GLIS1: variants seen among roughly 807,000 people sequenced by gnomAD.
GLIS1 encodes zinc finger protein GLIS1.
Under a neutral mutation model 63.8 loss-of-function variants are expected in GLIS1, and 24 were observed. The observed-to-expected ratio is 0.38, with a 90% CI of 0.27 to 0.53. The LOEUF is 0.53. Ranked by LOEUF, GLIS1 falls within the 20% of genes least tolerant of loss-of-function variation. GLIS1 has a pLI of 0.85. For missense variants in GLIS1, 1,036 were observed against 1,074.1 expected (o/e 0.96, Z 0.50); for synonymous variants, 450 against 482.5 (o/e 0.93, Z 0.88).
chr1:53,673,723 C>T (rs756218614), intron 2 of GLIS1, among the ~76,000 whole-genome samples: 2 of 152,210 alleles, frequency 1.3e-5, no homozygotes, highest in Non-Finnish European at 2.9e-5. Context: ...ATTCTCTGGG[C>T]CTATTTTTCT....
intron 2 of GLIS1, among the ~76,000 whole-genome samples, chr1:53,716,966 C>G (rs1423900443): frequency 6.6e-6 from 1 of 152,168 alleles, no homozygotes; most frequent in Non-Finnish European, 1.5e-5. Flanking sequence ...ACAGAAAATT[C>G]ATAAACTATC....
At chr1:53,659,935 C>G (rs1341603971) in intron 2 of GLIS1, among the ~76,000 whole-genome samples, 1 of 152,174 alleles carries the variant, frequency 6.6e-6, no homozygotes, top group Non-Finnish European at 1.5e-5. Context: ...GGCACTGGAA[C>G]AAAAAGGCCC....
intron 2 of GLIS1, among the ~76,000 whole-genome samples, chr1:53,667,801 T>C (rs923920296): frequency 2.0e-5 from 3 of 152,228 alleles, no homozygotes; most frequent in African/African-American, 7.2e-5. Context: ...CTTAATCCCA[T>C]GAATGAGTGC....
At chr1:53,677,070 C>T (rs1646220824) in intron 2 of GLIS1, among the ~76,000 whole-genome samples, 1 of 152,184 alleles carries the variant, frequency 6.6e-6, no homozygotes, top group Non-Finnish European at 1.5e-5. Flanking sequence ...ACCGCACAAG[C>T]CCAAGCTCTC....
At position 53,560,013 on chromosome 1, in the gene GLIS1, T is replaced by C. The variant is rs1349223490; in HGVS notation, c.1321-30061A>G. Among the ~76,000 whole-genome samples the C allele has an allele frequency of 6.6e-6, 1 of 152,154 alleles. No homozygotes were observed. Among genetic ancestry groups the C allele is most frequent in the Non-Finnish European group, 1.5e-5 (1 of 68,022 alleles). ...ATCCTTCAAGGTCCAACTCAAGTGC[T>C]TCCTCCTCTGGGAAGTGCTCCCTGA... On this transcript the variant is annotated intron_variant, in intron 4 of 10. Coordinates refer to ENST00000628545, the MANE Select transcript of GLIS1 (RefSeq NM_001367484.1). The surrounding 1 kb of genome is among the most constrained non-coding windows in gnomAD (Gnocchi z 4.4).
intron 2 of GLIS1, among the ~76,000 whole-genome samples, chr1:53,678,025 C>G (rs1646232711): frequency 6.6e-6 from 1 of 152,114 alleles, no homozygotes. Flanking sequence ...GAAAACAGCC[C>G]CCAAACGTGG....
intron 2 of GLIS1, among the ~76,000 whole-genome samples, chr1:53,632,958 G>A (rs1239432069): frequency 6.8e-6 from 1 of 147,938 alleles, no homozygotes; most frequent in Middle Eastern, 3.8e-3. Flanking sequence ...TGACTGAGGG[G>A]CGTGTATATG....
intron 4 of GLIS1, among the ~76,000 whole-genome samples, chr1:53,592,450 T>C (rs1645201554): frequency 6.6e-6 from 1 of 151,974 alleles, no homozygotes; most frequent in Admixed American, 6.6e-5. Context: ...GACTCACCCA[T>C]AAAAGAGAAT....
At position 53,697,708 on chromosome 1, in the gene GLIS1, T is replaced by C. The variant is rs569851086; in HGVS notation, c.259+40098A>G. On this transcript the variant is annotated intron_variant, in intron 2 of 10. Coordinates refer to ENST00000628545, the MANE Select transcript of GLIS1 (RefSeq NM_001367484.1). ...TAACACTTATTTAGCATATACTCGG[T>C]GCGGACACTGTCCTAAACACTTTTG... is the stretch of plus-strand genomic sequence containing the variant. 2.0e-5 allele frequency among the ~76,000 whole-genome samples: 3 copies of C among 152,356 alleles called. No homozygotes were observed. In the East Asian group the frequency reaches 5.8e-4, roughly 29 times the overall value.
rs114244967 is a variant in GLIS1 at position 53,592,096 on chromosome 1, T to G, written c.1320+2012A>C. ...CCCCAGAACCAGGCCTCAGCCAGTGTAAGCCAGTGTCCTGTGAAGTCTGTG... is the reference window on the plus strand; with the variant it reads ...CCCCAGAACCAGGCCTCAGCCAGTGGAAGCCAGTGTCCTGTGAAGTCTGTG... On this transcript the variant is annotated intron_variant, in intron 4 of 10. Coordinates refer to ENST00000628545, the MANE Select transcript of GLIS1 (RefSeq NM_001367484.1). Among the ~76,000 whole-genome samples, 1,167 of 152,280 alleles carry G rather than the reference T, an allele frequency of 7.7e-3. 22 individuals carry two copies. Among genetic ancestry groups the G allele is most frequent in the African/African-American group, 0.027 (1,132 of 41,554 alleles).
At chr1:53,671,741 A>T (rs181297665) in intron 2 of GLIS1, among the ~76,000 whole-genome samples, 2 of 152,352 alleles carry the variant, frequency 1.3e-5, no homozygotes, top group East Asian at 3.9e-4. Flanking sequence ...TATATACATT[A>T]GAATGCACTT....
intron 2 of GLIS1, among the ~76,000 whole-genome samples, chr1:53,667,703 G>C (rs1646108584): frequency 6.6e-6 from 1 of 152,218 alleles, no homozygotes; most frequent in African/African-American, 2.4e-5. Context: ...CAAGACCAAA[G>C]CATCAGCATC....
intron 4 of GLIS1, among the ~76,000 whole-genome samples, chr1:53,563,338 A>C (rs1464397805): frequency 6.6e-6 from 1 of 152,280 alleles, no homozygotes; most frequent in Non-Finnish European, 1.5e-5. Context: ...ATGTGTAAGG[A>C]GTGAAAGGGC....
intron 4 of GLIS1, among the ~76,000 whole-genome samples, chr1:53,540,681 C>T (rs748624106): frequency 5.3e-5 from 8 of 152,210 alleles, no homozygotes; most frequent in Non-Finnish European, 1.0e-4. Flanking sequence ...GACCCCGGCC[C>T]AGCCACCTCC....
intron 2 of GLIS1, among the ~76,000 whole-genome samples, chr1:53,621,956 C>T (rs79397756): frequency 0.081 from 12,327 of 152,052 alleles, 698 homozygotes; most frequent in Middle Eastern, 0.14. Flanking sequence ...GACTACAGGC[C>T]CATGCCATCT....
chr1:53,556,036 G>GGT lies in GLIS1; in HGVS notation c.1321-26086_1321-26085dup, dbSNP rs143953220. 4.6e-3 allele frequency among the ~76,000 whole-genome samples: 532 copies of GGT among 116,252 alleles called. 4 individuals are homozygous for GGT. The highest frequency in any genetic ancestry group is 0.015 in the African/African-American group (401 of 26,830). The allele number at this position is 116,252 out of a possible 152,430, so 76.3% of individuals were successfully genotyped here. On this transcript the variant is annotated intron_variant, in intron 4 of 10. Coordinates refer to ENST00000628545, the MANE Select transcript of GLIS1 (RefSeq NM_001367484.1). Reference sequence around the variant, plus strand: ...TGTGTGTGTGTGCAGGTGTATTGCAGGTGTGTGTGTGTGTGTGTGTATGCA... The same window carrying GGT: ...TGTGTGTGTGTGCAGGTGTATTGCAGGTGTGTGTGTGTGTGTGTGTGTATGCA...
intron 4 of GLIS1, among the ~76,000 whole-genome samples, chr1:53,556,936 G>C (rs1371756680): frequency 2.0e-5 from 3 of 147,878 alleles, no homozygotes; most frequent in Non-Finnish European, 4.5e-5. Context: ...GTGTACTGCA[G>C]GTATGTGTGT....
chr1:53,547,481 G>A (rs1644715293), intron 4 of GLIS1, among the ~76,000 whole-genome samples: 1 of 152,174 alleles, frequency 6.6e-6, no homozygotes, highest in Non-Finnish European at 1.5e-5. Context: ...CTCACTGCTG[G>A]CTCCTGCCTT....
chr1:53,554,796 G>T (rs1644800141), intron 4 of GLIS1, among the ~76,000 whole-genome samples: 1 of 152,226 alleles, frequency 6.6e-6, no homozygotes, highest in Non-Finnish European at 1.5e-5. Flanking sequence ...GAGCCACTGT[G>T]GGGCTCAGAA....
Sources: gnomAD v4.1 joint callset for allele counts (sites outside exome capture counted in the v4.1 genomes callset) on GRCh38, gnomAD v4.1.1 for gene constraint, Gnocchi (gnomAD v3.1) non-coding constraint, MANE v1.5 for transcripts, NCBI Gene and HGNC (gene_info 2026-07-23, HGNC 2026-07-21) for gene names.